Variants in UGT2B17 observed in about 807,000 individuals in gnomAD.
UGT2B17 encodes the protein UDP-glucuronosyltransferase 2B17.
Under a neutral mutation model 48.2 loss-of-function variants are expected in UGT2B17, and 21 were observed. That is an observed-to-expected ratio of 0.44 (90% confidence interval 0.31 to 0.63). UGT2B17 has a LOEUF of 0.63. UGT2B17 is among the 20% of genes least tolerant of loss of function. The pLI is 0.08. For missense variants in UGT2B17, 402 were observed against 696.1 expected, an observed-to-expected ratio of 0.58 and a Z score of 4.75; for synonymous variants, 146 against 238.4, an observed-to-expected ratio of 0.61 and a Z score of 3.57.
intron 4 of UGT2B17, among the ~76,000 whole-genome samples, chr4:68,553,991 C>T (rs1242619012): frequency 8.0e-6 from 1 of 124,510 alleles, no homozygotes; most frequent in Non-Finnish European, 1.7e-5. Flanking sequence ...ATGCAGTGGT[C>T]CTGCAGGGAA....
chr4:68,551,778 A>T, intron 5 of UGT2B17, 46 bp downstream of exon 5: 2 of 1,132,284 alleles, frequency 1.8e-6, no homozygotes, highest in Non-Finnish European at 2.3e-6. Context: ...ATCACTTCTA[A>T]TTGGCTGTTA....
At chr4:68,550,637 A>T in intron 6 of UGT2B17, 40 bp downstream of exon 6, 1 of 1,326,778 alleles carries the variant, frequency 7.5e-7, no homozygotes, top group Non-Finnish European at 9.8e-7. Context: ...TGACAAAATA[A>T]TTTGTAAGTA....
At chr4:68,553,116 C>T (rs1224126693) in intron 4 of UGT2B17, among the ~76,000 whole-genome samples, 1 of 125,606 alleles carries the variant, frequency 8.0e-6, no homozygotes, top group Admixed American at 8.2e-5. Context: ...TTAATGATCA[C>T]ATTTTTGGGA....
At position 68,568,424 on chromosome 4, in the gene UGT2B17, C is replaced by A. The variant is rs1731245648; in HGVS notation, c.61G>T (p.Gly21Trp). Residue 21 changes from glycine (G) to tryptophan (W), a missense_variant, in exon 2 of 7, where the codon GGG (glycine) becomes TGG (tryptophan). Coordinates refer to ENST00000317746, the MANE Select transcript of UGT2B17 (RefSeq NM_001077.4). ...CACACCAGCACCTTTCCACAACTCCCAGAGCTAAAGTAACAACTGAGCTGC... is the reference window on the plus strand; with the variant it reads ...CACACCAGCACCTTTCCACAACTCCAAGAGCTAAAGTAACAACTGAGCTGC... The part of the protein sequence containing the change: ...LMQLSCYFSS[G>W]SCGKVLVWPT... The A allele has an allele frequency of 2.2e-6, 3 of 1,371,036 alleles. No homozygotes were observed. Among genetic ancestry groups the A allele is most frequent in the Non-Finnish European group, 2.8e-6 (3 of 1,053,220 alleles). 84.9% of individuals were successfully genotyped at this position (1,371,036 alleles called of 1,614,324 possible).
intron 1 of UGT2B17, among the ~76,000 whole-genome samples, chr4:68,570,334 A>T (rs1731279756): frequency 7.9e-6 from 1 of 126,870 alleles, no homozygotes; most frequent in Non-Finnish European, 1.7e-5. Flanking sequence ...GGGGTTTTAC[A>T]GTGTTCTTCT....
At chr4:68,551,684 AATAAAT>A in intron 5 of UGT2B17, 134 bp downstream of exon 5, 6 of 593,464 alleles carry the variant, frequency 1.0e-5, no homozygotes, top group Non-Finnish European at 1.4e-5. Context: ...AAGACTAGAA[AATAAAT>A]ATAAAGTAGT....
In UGT2B17 at chr4:68,548,924, A is replaced by G. The variant is rs1208751932; in HGVS notation, c.1313+1753T>C. On this transcript the variant is annotated intron_variant, in intron 6 of 6. Transcript: ENST00000317746. ...AGAACTGAGATGAAGGGGTTTTCTA[A>G]ATATAGAATTATGTCATCTGCAAAT... 1.6e-5 allele frequency among the ~76,000 whole-genome samples: 2 copies of G among 124,852 alleles called. 1 individual carries two copies. Among genetic ancestry groups the G allele is most frequent in the East Asian group, 1.5e-3 (2 of 1,312 alleles). 81.9% of individuals were successfully genotyped at this position (124,852 alleles called of 152,430 possible).
Position 68,568,186 on chromosome 4 carries a change from C to A in UGT2B17, c.299G>T (p.Ser100Ile). 2 of 1,377,932 alleles carry A rather than the reference C, an allele frequency of 1.5e-6. 1 individual carries two copies. Among genetic ancestry groups the A allele is most frequent in the Non-Finnish European group, 1.9e-6 (2 of 1,053,228 alleles). The allele number at this position is 1,377,932 out of a possible 1,614,324, so 85.4% of individuals were successfully genotyped here. ...TGACCAAAATGTATTTTTTGAAATA[C>A]TATATGTCCATCTATCGAACATTTT... ...FMKMFDRWTY[S>I]ISKNTFWSYF... Residue 100 changes from serine (S) to isoleucine (I), a missense_variant, in exon 2 of 7, where the codon AGT (serine) becomes ATT (isoleucine). Coordinates refer to ENST00000317746, the MANE Select transcript of UGT2B17 (RefSeq NM_001077.4).
rs1288380595 is a variant in UGT2B17 at position 68,566,276 on chromosome 4, C to A, written c.725-556G>T. On this transcript the variant is annotated intron_variant, in intron 2 of 6. Transcript: ENST00000317746. ...TGCTCATATGTATATATAAGGAAGG[C>A]AAAGTGTTCAGAGAGCTGTAAGAAG... Among the ~76,000 whole-genome samples the A allele has an allele frequency of 7.4e-5, 9 of 122,166 alleles. 2 individuals are homozygous for A. Among genetic ancestry groups the A allele is most frequent in the African/African-American group, 2.2e-4 (8 of 35,924 alleles). The allele number at this position is 122,166 out of a possible 152,430, so 80.1% of individuals were successfully genotyped here.
At chr4:68,561,505 T>A (rs1731102626) in intron 3 of UGT2B17, among the ~76,000 whole-genome samples, 1 of 124,134 alleles carries the variant, frequency 8.1e-6, no homozygotes, top group Non-Finnish European at 1.7e-5. Flanking sequence ...CACTGTGAAA[T>A]TGATGTGCTA....
intron 3 of UGT2B17, among the ~76,000 whole-genome samples, chr4:68,564,273 CATAT>C (rs199693880): frequency 4.3e-5 from 4 of 93,398 alleles, no homozygotes; most frequent in African/African-American, 1.4e-4. Context: ...TATCAAATTT[CATAT>C]ATATATATAT....
intron 1 of UGT2B17, among the ~76,000 whole-genome samples, chr4:68,570,613 C>T (rs1399784819): frequency 1.6e-5 from 2 of 126,018 alleles, no homozygotes; most frequent in Non-Finnish European, 3.4e-5. Context: ...CATTTTTTTA[C>T]TTATGTCTTT....
Position 68,574,954 on chromosome 4 carries a change from C to CTTT in UGT2B17, c.-65+994_-65+996dup, listed in dbSNP as rs760597353. Reference sequence around the variant, plus strand: ...ACATAAATTTTACCTCCTCCCCCCCCTTTTTTTTTTGAAGATAACCATTCC... The same window carrying CTTT: ...ACATAAATTTTACCTCCTCCCCCCCCTTTTTTTTTTTTTGAAGATAACCATTCC... On this transcript the variant is annotated intron_variant, in intron 1 of 6. Transcript: ENST00000317746. Among the ~76,000 whole-genome samples the CTTT allele has an allele frequency of 9.1e-5, 10 of 109,716 alleles. 2 individuals are homozygous for CTTT. The highest frequency in any genetic ancestry group is 3.1e-4 in the African/African-American group (10 of 32,120). The allele number at this position is 109,716 out of a possible 152,430, so 72.0% of individuals were successfully genotyped here. A position where few individuals can be genotyped will look rare whatever the true frequency, so the allele number is the denominator to read the frequency against.
intron 6 of UGT2B17, among the ~76,000 whole-genome samples, chr4:68,538,594 A>G (rs1180121183): frequency 8.0e-6 from 1 of 125,690 alleles, no homozygotes; most frequent in Non-Finnish European, 1.7e-5. Context: ...TCTCCTAACT[A>G]GTTTCTCAGC....
At chr4:68,565,817 T>C (rs1362338522) in intron 2 of UGT2B17, 97 bp from the exon 3 acceptor site, 2 of 1,049,556 alleles carry the variant, frequency 1.9e-6, no homozygotes, top group Non-Finnish European at 2.4e-6. Flanking sequence ...GGACTTGGAA[T>C]AACATACCTA....
chr4:68,543,620 C>T lies in UGT2B17; in HGVS notation c.1314-5716G>A, dbSNP rs956169231. Among the ~76,000 whole-genome samples the T allele has an allele frequency of 2.1e-4, 26 of 124,500 alleles. 10 individuals are homozygous for T. The highest frequency in any genetic ancestry group is 1.0e-3 in the Admixed American group (12 of 12,018). The allele number at this position is 124,500 out of a possible 152,430, so 81.7% of individuals were successfully genotyped here. Reference sequence around the variant, plus strand: ...CGAGTTCAGAGAAGAAGGCTTCAGACGATCAAACTACTCCGGACTAAAGGA... The same window carrying T: ...CGAGTTCAGAGAAGAAGGCTTCAGATGATCAAACTACTCCGGACTAAAGGA... On this transcript the variant is annotated intron_variant, in intron 6 of 6. Transcript: ENST00000317746.
Position 68,537,676 on chromosome 4 carries a change from C to T in UGT2B17, c.1542G>A (p.Leu514=), listed in dbSNP as rs74896325. The stretch of plus-strand genomic sequence containing the variant: ...TTTTGGCAAGCTTTCGGAAACAAAA[C>T]AGGCAACATTTTGTGATCATAAATA... The part of the protein sequence containing the change: ...TMIFMITKCC[L]FCFRKLAKTG... Residue 514 remains leucine (L), a synonymous_variant, in exon 7 of 7, where the codon CTG becomes CTA. Coordinates refer to ENST00000317746, the MANE Select transcript of UGT2B17 (RefSeq NM_001077.4). 7.3e-7 allele frequency: 1 copy of T among 1,376,996 alleles called. No individual in the cohort carries two copies. 85.3% of individuals were successfully genotyped at this position (1,376,996 alleles called of 1,614,324 possible). A position where few individuals can be genotyped will look rare whatever the true frequency, so the allele number is the denominator to read the frequency against.
intron 3 of UGT2B17, 93 bp from the exon 4 acceptor site, chr4:68,560,761 A>C: frequency 7.7e-7 from 1 of 1,303,752 alleles, no homozygotes; most frequent in Non-Finnish European, 1.0e-6. Flanking sequence ...TGAGAAAGTC[A>C]GGAGCTATTG....
intron 1 of UGT2B17, among the ~76,000 whole-genome samples, 187 bp downstream of exon 1, chr4:68,575,764 C>T (rs1291370496): frequency 7.9e-6 from 1 of 126,388 alleles, no homozygotes; most frequent in Non-Finnish European, 1.7e-5. Context: ...CCAATACAGG[C>T]ACACCGTGGG....
Sources: gnomAD v4.1 joint callset for allele counts (sites outside exome capture counted in the v4.1 genomes callset) on GRCh38, gnomAD v4.1.1 for gene constraint, MANE v1.5 for transcripts, NCBI Gene and HGNC (gene_info 2026-07-23, HGNC 2026-07-21) for gene names.